GNA14: variants seen among roughly 807,000 people sequenced by gnomAD.
The protein encoded by GNA14 is guanine nucleotide-binding protein subunit alpha-14.
GNA14 carries 50 observed loss-of-function variants against 42.0 expected under a neutral mutation model. The observed-to-expected ratio is 1.19, with a 90% CI of 0.95 to 1.51. The LOEUF (loss-of-function observed/expected upper bound fraction) is 1.51. Ranked by LOEUF, GNA14 falls within the 40% of genes most tolerant of loss-of-function variation. The pLI is 0.00. For synonymous variants in GNA14, 173 were observed against 163.1 expected (o/e 1.06, Z -0.46); for missense variants, 473 against 446.2 (o/e 1.06, Z -0.54).
At chr9:77,583,609 T>C (rs1823259630) in intron 1 of GNA14, among the ~76,000 whole-genome samples, 1 of 152,204 alleles carries the variant, frequency 6.6e-6, no homozygotes, top group South Asian at 2.1e-4. Context: ...ACAGCCTAAC[T>C]CCTGTGTCTA....
intron 3 of GNA14, chr9:77,431,674 T>C: frequency 2.3e-6 from 1 of 439,368 alleles, no homozygotes; most frequent in Non-Finnish European, 4.1e-6. Context: ...TTCTGGGACA[T>C]CTGCAGAGCA....
chr9:77,450,633 A>T (rs990287578), intron 2 of GNA14, among the ~76,000 whole-genome samples: 5 of 151,732 alleles, frequency 3.3e-5, no homozygotes, highest in African/African-American at 1.2e-4. Flanking sequence ...TGGTGCTGTT[A>T]AAATTATTCT....
At chr9:77,639,333 C>T (rs912890719) in intron 1 of GNA14, among the ~76,000 whole-genome samples, 4 of 152,224 alleles carry the variant, frequency 2.6e-5, no homozygotes, top group African/African-American at 9.6e-5. Flanking sequence ...AATGACAACT[C>T]ATTTAATCCT....
intron 2 of GNA14, among the ~76,000 whole-genome samples, chr9:77,520,128 G>A (rs1238509178): frequency 6.6e-6 from 1 of 152,124 alleles, no homozygotes; most frequent in Non-Finnish European, 1.5e-5. Context: ...ATACAGAGGG[G>A]ATGCTTTCTA....
chr9:77,567,010 G>A (rs1587832453), intron 1 of GNA14, among the ~76,000 whole-genome samples: 2 of 152,094 alleles, frequency 1.3e-5, no homozygotes, highest in Non-Finnish European at 2.9e-5. Flanking sequence ...TAACCTTCAT[G>A]TGTACTAACT....
At chr9:77,578,428 T>C (rs1012282982) in intron 1 of GNA14, among the ~76,000 whole-genome samples, 2 of 152,224 alleles carry the variant, frequency 1.3e-5, no homozygotes, top group Non-Finnish European at 2.9e-5. Flanking sequence ...GACAGTTTTA[T>C]ATTGCTTGAA....
At chr9:77,579,413 C>T (rs1262828094) in intron 1 of GNA14, among the ~76,000 whole-genome samples, 1 of 152,140 alleles carries the variant, frequency 6.6e-6, no homozygotes, top group Non-Finnish European at 1.5e-5. Flanking sequence ...AACCAGAGAC[C>T]AGCTGCTTGT....
At chr9:77,491,958 C>G (rs1836783672) in intron 2 of GNA14, among the ~76,000 whole-genome samples, 1 of 152,140 alleles carries the variant, frequency 6.6e-6, no homozygotes, top group South Asian at 2.1e-4. Flanking sequence ...TATAAAGCAT[C>G]TTTTCTGACC....
chr9:77,467,000 G>GGGGTGTGT (rs139009305), intron 2 of GNA14, among the ~76,000 whole-genome samples: 3 of 143,620 alleles, frequency 2.1e-5, no homozygotes, highest in African/African-American at 7.7e-5. Flanking sequence ...TTTACCACTC[G>GGGGTGTGT]GTGTGTGTGT....
Position 77,529,221 on chromosome 9 carries a change from T to C in GNA14, c.157A>G (p.Lys53Glu). The change falls in exon 2 of 7, where the codon AAG becomes GAG. Residue 53 changes from lysine to glutamate, a missense_variant. By Grantham distance (56) the Lys-to-Glu change is moderately conservative. Transcript: ENST00000341700. ...GACCCATGGATAATTCTCATCTGCT[T>C]GATAAAGGTGCTTTTCCCACTTTCA... ...TGESGKSTFI[K>E]QMRIIHGSGY... The C allele has an allele frequency of 6.2e-7, 1 of 1,614,090 alleles. No homozygotes were observed.
chr9:77,497,915 ATGCTTATAT>A (rs1836899591), intron 2 of GNA14, among the ~76,000 whole-genome samples: 1 of 152,190 alleles, frequency 6.6e-6, no homozygotes, highest in Admixed American at 6.5e-5. Context: ...CTTAGCATTA[ATGCTTATAT>A]TGCTGCATCT....
chr9:77,535,696 CTT>C (rs747403437), intron 1 of GNA14, among the ~76,000 whole-genome samples: 4 of 152,122 alleles, frequency 2.6e-5, no homozygotes, highest in Admixed American at 6.5e-5. Context: ...TCTTGGGCCC[CTT>C]GTCAGGTCTA....
At chr9:77,495,266 C>CA (rs35070183) in intron 2 of GNA14, among the ~76,000 whole-genome samples, 395 of 142,966 alleles carry the variant, frequency 2.8e-3, no homozygotes, top group African/African-American at 5.3e-3. Flanking sequence ...CCTCTTTTTC[C>CA]AAAAAAAAAA....
At chr9:77,526,917 T>G (rs1424492944) in intron 2 of GNA14, among the ~76,000 whole-genome samples, 1 of 152,188 alleles carries the variant, frequency 6.6e-6, no homozygotes, top group African/African-American at 2.4e-5. Flanking sequence ...AAATATAAAC[T>G]GAGTACTCTA....
In GNA14 at chr9:77,515,991, C is replaced by G. The variant is rs1451039035; in HGVS notation, c.309+13078G>C. Among the ~76,000 whole-genome samples, 9 of 71,834 alleles carry G rather than the reference C, an allele frequency of 1.3e-4. No homozygotes were observed. The East Asian group carries it at 8.8e-3, about 70-fold the overall frequency. The allele number at this position is 71,834 out of a possible 152,430, so 47.1% of individuals were successfully genotyped here. A position where few individuals can be genotyped will look rare whatever the true frequency, so the allele number is the denominator to read the frequency against. ...AAAAAAAAAAAAAAAAAACCCAGAG[C>G]AGGAAGAGACAGCCATGTAACAGAG... On this transcript the variant is annotated intron_variant, in intron 2 of 6. Coordinates refer to ENST00000341700, the MANE Select transcript of GNA14 (RefSeq NM_004297.4).
intron 2 of GNA14, among the ~76,000 whole-genome samples, chr9:77,492,033 A>G (rs1292632200): frequency 6.6e-6 from 1 of 152,224 alleles, no homozygotes; most frequent in African/African-American, 2.4e-5. Context: ...ATATTTGGAT[A>G]TTAAACAATA....
intron 1 of GNA14, among the ~76,000 whole-genome samples, chr9:77,553,028 T>A (rs540083047): frequency 1.3e-5 from 2 of 152,276 alleles, no homozygotes; most frequent in Admixed American, 1.3e-4. Context: ...AATGGTGACA[T>A]GACCTGCTGG....
intron 1 of GNA14, among the ~76,000 whole-genome samples, chr9:77,617,097 C>G (rs1823835391): frequency 6.6e-6 from 1 of 152,030 alleles, no homozygotes; most frequent in Non-Finnish European, 1.5e-5. Context: ...GTCTCGATCT[C>G]CTGATCTCAC....
chr9:77,505,066 T>C (rs1362835788), intron 2 of GNA14, among the ~76,000 whole-genome samples: 2 of 152,154 alleles, frequency 1.3e-5, no homozygotes, highest in African/African-American at 2.4e-5. Flanking sequence ...GAATTAGAGA[T>C]ATGAATTTCA....
Sources: gnomAD v4.1 joint callset for allele counts (sites outside exome capture counted in the v4.1 genomes callset) on GRCh38, gnomAD v4.1.1 for gene constraint, MANE v1.5 for transcripts, NCBI Gene and HGNC (gene_info 2026-07-23, HGNC 2026-07-21) for gene names.